Variants in KCNMA1 observed in about 807,000 individuals in gnomAD.
The protein encoded by KCNMA1 is Calcium-activated potassium channel subunit alpha-1.
Under a neutral mutation model 140.0 loss-of-function variants are expected in KCNMA1, and 29 were observed. The ratio of observed to expected loss-of-function variants is 0.21; its 90% CI spans 0.15 to 0.28. The LOEUF is 0.28. Ranked by LOEUF, KCNMA1 falls within the 10% of genes least tolerant of loss-of-function variation. KCNMA1 has a pLI of 1.00. For synonymous variants in KCNMA1, 612 were observed against 611.9 expected, an observed-to-expected ratio of 1.00 and a Z score of 0.00; for missense variants, 880 against 1,602.2, an observed-to-expected ratio of 0.55 and a Z score of 7.70.
chr10:77,120,945 G>T (rs199813678), intron 6 of KCNMA1, 28 bp downstream of exon 6: 59 of 1,405,018 alleles, frequency 4.2e-5, no homozygotes, highest in African/African-American at 9.9e-5. Flanking sequence ...GGACTGGAAT[G>T]AAAAAAATAT....
chr10:77,054,005 CA>C (rs900580534), intron 14 of KCNMA1, among the ~76,000 whole-genome samples: 14 of 152,240 alleles, frequency 9.2e-5, no homozygotes, highest in Middle Eastern at 3.4e-3. Flanking sequence ...CACAGCCGCA[CA>C]ACCCCCCTCA....
intron 16 of KCNMA1, chr10:77,019,404 A>G (rs1253159946): frequency 3.0e-6 from 1 of 332,166 alleles, no homozygotes; most frequent in Non-Finnish European, 5.6e-6. Flanking sequence ...TGGGCACATG[A>G]TTTGAAGCAA....
chr10:76,953,069 G>A (rs2066887929), intron 21 of KCNMA1, among the ~76,000 whole-genome samples: 1 of 152,188 alleles, frequency 6.6e-6, no homozygotes. Flanking sequence ...TCCTGGGAGA[G>A]ACTGGGTGAG....
At position 77,404,013 on chromosome 10, in the gene KCNMA1, T is replaced by C. The variant is rs138918358; in HGVS notation, c.389A>G (p.Lys130Arg). The C allele has an allele frequency of 1.9e-6, 3 of 1,614,032 alleles. No homozygotes were observed. The African/African-American group carries it at 4.0e-5, about 22-fold the overall frequency. The change falls in exon 2 of 28, where the codon AAG (lysine) becomes AGG (arginine). Residue 130 changes from lysine to arginine, a missense_variant. This residue lies in a region of KCNMA1 where 54 missense variants were observed against 56.4 expected (regional missense o/e 0.96). Transcript: ENST00000286628. Reference sequence around the variant, plus strand: ...CGCCTGGCTTGAGCCATTGTTAATCTTCTGGGCCTCCTGGCAACAGAGAGA... The same window carrying C: ...CGCCTGGCTTGAGCCATTGTTAATCCTCTGGGCCTCCTGGCAACAGAGAGA... ...HCGGKTKEAQ[K>R]INNGSSQADG...
At chr10:77,389,322 C>T (rs1247701322) in intron 2 of KCNMA1, among the ~76,000 whole-genome samples, 1 of 152,194 alleles carries the variant, frequency 6.6e-6, no homozygotes, top group East Asian at 1.9e-4. Flanking sequence ...CGATCCTCAG[C>T]CCCTCCTGGG....
At chr10:77,155,929 A>C (rs963181138) in intron 5 of KCNMA1, among the ~76,000 whole-genome samples, 2 of 152,228 alleles carry the variant, frequency 1.3e-5, no homozygotes, top group Middle Eastern at 3.4e-3. Context: ...TTTTACACCA[A>C]ATTAAAAAAC....
intron 6 of KCNMA1, among the ~76,000 whole-genome samples, chr10:77,120,288 T>C (rs1056128744): frequency 6.6e-6 from 1 of 152,146 alleles, no homozygotes; most frequent in African/African-American, 2.4e-5. Flanking sequence ...AGCCGGCAGG[T>C]CATCAGGAAA....
At chr10:77,088,371 T>C (rs1476794642) in intron 10 of KCNMA1, among the ~76,000 whole-genome samples, 3 of 152,150 alleles carry the variant, frequency 2.0e-5, no homozygotes, top group African/African-American at 4.8e-5. Flanking sequence ...AAGTATGACA[T>C]TGATGGATGT....
At chr10:77,000,845 T>A (rs1438566749) in intron 19 of KCNMA1, among the ~76,000 whole-genome samples, 2 of 48,822 alleles carry the variant, frequency 4.1e-5, no homozygotes, top group Admixed American at 2.6e-4. Flanking sequence ...TAGAGAGACA[T>A]AGTAAAAAGA....
downstream of KCNMA1, among the ~76,000 whole-genome samples, chr10:76,882,013 G>A (rs1261219123): frequency 6.6e-6 from 1 of 152,104 alleles, no homozygotes; most frequent in African/African-American, 2.4e-5. Context: ...GAGATCACAG[G>A]GTTTAAAATA....
chr10:76,925,124 T>C (rs1451237409), intron 23 of KCNMA1, among the ~76,000 whole-genome samples: 1 of 152,198 alleles, frequency 6.6e-6, no homozygotes, highest in East Asian at 1.9e-4. Flanking sequence ...TATTCGTTAT[T>C]TTAAAATGTA....
rs150693562 is a variant in KCNMA1 at position 77,583,381 on chromosome 10, G to C, written c.378+53884C>G. Among the ~76,000 whole-genome samples the C allele has an allele frequency of 2.3e-3, 354 of 152,346 alleles. 7 individuals are homozygous for C. The South Asian group carries it at 0.025, about 11-fold the overall frequency. On this transcript the variant is annotated intron_variant, in intron 1 of 27. Coordinates refer to ENST00000286628, the MANE Select transcript of KCNMA1 (RefSeq NM_001161352.2). ...GGTCCTGACAAATAGAGACTTGATAGAGCATGGTTGAATATTTCTCACATA... is the reference window on the plus strand; with the variant it reads ...GGTCCTGACAAATAGAGACTTGATACAGCATGGTTGAATATTTCTCACATA...
intron 1 of KCNMA1, among the ~76,000 whole-genome samples, chr10:77,421,457 G>A (rs1333306260): frequency 6.6e-6 from 1 of 152,194 alleles, no homozygotes; most frequent in Non-Finnish European, 1.5e-5. Context: ...AATTGTTTCT[G>A]TAAAGGGCCA....
intron 2 of KCNMA1, among the ~76,000 whole-genome samples, chr10:77,388,238 T>C (rs1041812875): frequency 3.9e-5 from 6 of 152,238 alleles, no homozygotes; most frequent in Admixed American, 3.9e-4. Flanking sequence ...ATGAAGGCTC[T>C]TCATTCAACT....
chr10:77,637,687 C>T lies in KCNMA1; in HGVS notation c.-45G>A, dbSNP rs2093911155. ...GCGCAGGGGCTCGGGGGAGCTCCTC[C>T]CGCCGCCAGCGCCACCCCAAACACC... On this transcript the variant is annotated 5_prime_UTR_variant, in exon 1 of 28. Coordinates refer to ENST00000286628, the MANE Select transcript of KCNMA1 (RefSeq NM_001161352.2). 1 of 1,443,380 alleles carries T rather than the reference C, an allele frequency of 6.9e-7. No homozygotes were observed. The highest frequency in any genetic ancestry group is 2.9e-5 in the Admixed American group (1 of 34,808). 89.4% of individuals were successfully genotyped at this position (1,443,380 alleles called of 1,614,324 possible).
chr10:76,938,854 C>T (rs1039333539), intron 23 of KCNMA1, among the ~76,000 whole-genome samples: 5 of 152,108 alleles, frequency 3.3e-5, no homozygotes, highest in Non-Finnish European at 5.9e-5. Context: ...CTCACTTTGC[C>T]TCCACCTGTT....
At chr10:77,189,171 T>C (rs10824495) in intron 3 of KCNMA1, among the ~76,000 whole-genome samples, 47,010 of 151,948 alleles carry the variant, frequency 0.31, 7,744 homozygotes, top group Non-Finnish European at 0.35. Context: ...GGATGCTGCT[T>C]ATCTGGGAAC....
At chr10:77,325,440 T>C (rs951853285) in intron 2 of KCNMA1, among the ~76,000 whole-genome samples, 7 of 152,194 alleles carry the variant, frequency 4.6e-5, no homozygotes, top group African/African-American at 1.7e-4. Flanking sequence ...AGCTCTGACT[T>C]TGGGGAGCTC....
At chr10:77,400,115 G>A (rs189710570) in intron 2 of KCNMA1, among the ~76,000 whole-genome samples, 4 of 152,324 alleles carry the variant, frequency 2.6e-5, no homozygotes, top group African/African-American at 9.6e-5. Context: ...ACATTTGGAC[G>A]GCTCAAGACA....
Sources: gnomAD v4.1 joint callset for allele counts (sites outside exome capture counted in the v4.1 genomes callset) on GRCh38, gnomAD v4.1.1 for gene constraint, gnomAD v4.1.1 regional missense constraint, MANE v1.5 for transcripts, NCBI Gene and HGNC (gene_info 2026-07-23, HGNC 2026-07-21) for gene names.